The following TENM2 variants were observed in gnomAD, a reference collection of about 807,000 sequenced individuals.
TENM2 encodes the protein teneurin transmembrane protein 2.
Under a neutral mutation model 245.2 loss-of-function variants are expected in TENM2, and 52 were observed. The ratio of observed to expected loss-of-function variants is 0.21; its 90% confidence interval spans 0.17 to 0.27. The LOEUF is 0.27. Ranked by LOEUF, TENM2 falls within the 10% of genes least tolerant of loss-of-function variation. The pLI, the probability that TENM2 is intolerant of heterozygous loss-of-function variation, is 1.00. For missense variants in TENM2, 3,046 were observed against 3,666.8 expected (o/e 0.83, Z 4.37); for synonymous variants, 1,363 against 1,438.9 (o/e 0.95, Z 1.19).
intron 2 of TENM2, among the ~76,000 whole-genome samples, chr5:167,616,818 T>G (rs572173278): frequency 6.6e-6 from 1 of 152,254 alleles, no homozygotes; most frequent in East Asian, 1.9e-4. Context: ...GCAATAATTT[T>G]TCCAGTTACA....
chr5:167,658,731 C>T (rs2150314671), intron 2 of TENM2, among the ~76,000 whole-genome samples: 1 of 152,218 alleles, frequency 6.6e-6, no homozygotes, highest in East Asian at 1.9e-4. Flanking sequence ...TAGGATAGCA[C>T]ATGGGGTAAT....
At chr5:167,222,248 ATAT>A in the TENM2 span, among the ~76,000 whole-genome samples, 1 of 152,034 alleles carries the variant, frequency 6.6e-6, no homozygotes, top group East Asian at 1.9e-4. Flanking sequence ...CTGCCTTCAC[ATAT>A]GCAATGGAGG....
chr5:167,705,342 T>C (rs1287888465), intron 2 of TENM2, among the ~76,000 whole-genome samples: 1 of 152,166 alleles, frequency 6.6e-6, no homozygotes, highest in African/African-American at 2.4e-5. Flanking sequence ...ATCAAGATCT[T>C]GACTTCTTAT....
rs117495483 is a variant in TENM2 at position 168,146,400 on chromosome 5, G to A, written c.2423-16211G>A. On this transcript the variant is annotated intron_variant, in intron 12 of 28. Coordinates refer to ENST00000518659, the Ensembl canonical transcript of TENM2. Reference sequence around the variant, plus strand: ...GATGATAGATTGATCCATTTCTAGAGCCTCAACAGAAGTGGCCTCAAGCAT... The same window carrying A: ...GATGATAGATTGATCCATTTCTAGAACCTCAACAGAAGTGGCCTCAAGCAT... Among the ~76,000 whole-genome samples, 285 of 152,212 alleles carry A rather than the reference G, an allele frequency of 1.9e-3. 8 individuals carry two copies. In the East Asian group the frequency reaches 0.05, roughly 27 times the overall value.
chr5:167,250,140 A>G, the TENM2 span, among the ~76,000 whole-genome samples: 2 of 152,126 alleles, frequency 1.3e-5, no homozygotes, highest in South Asian at 2.1e-4. Context: ...CAGATTCACA[A>G]CAGGTTTTGA....
intron 5 of TENM2, among the ~76,000 whole-genome samples, chr5:168,020,714 G>A (rs1371082635): frequency 6.6e-6 from 1 of 152,196 alleles, no homozygotes. Context: ...AACCTCCAAA[G>A]TTGCTAAGAT....
intron 2 of TENM2, among the ~76,000 whole-genome samples, chr5:167,523,020 C>T (rs1360034872): frequency 6.6e-6 from 1 of 152,120 alleles, no homozygotes; most frequent in East Asian, 1.9e-4. Context: ...AGGCTGTTGT[C>T]ATTCCTTGGC....
the TENM2 span, among the ~76,000 whole-genome samples, chr5:167,019,739 G>T: frequency 6.6e-6 from 1 of 152,038 alleles, no homozygotes; most frequent in Admixed American, 6.6e-5. Context: ...CAAAATGCTG[G>T]AATTACAGAC....
intron 12 of TENM2, among the ~76,000 whole-genome samples, chr5:168,159,376 C>G (rs866886497): frequency 6.6e-6 from 1 of 152,136 alleles, no homozygotes; most frequent in Non-Finnish European, 1.5e-5. Context: ...AGCCTGAAAT[C>G]CAGAAGACTT....
At chr5:167,765,120 G>C (rs962656185) in intron 2 of TENM2, among the ~76,000 whole-genome samples, 1 of 152,096 alleles carries the variant, frequency 6.6e-6, no homozygotes, top group African/African-American at 2.4e-5. Flanking sequence ...GAGACCTACA[G>C]GTCTGGGTGT....
intron 2 of TENM2, among the ~76,000 whole-genome samples, chr5:167,844,033 T>C (rs184335637): frequency 6.6e-6 from 1 of 152,372 alleles, no homozygotes; most frequent in African/African-American, 2.4e-5. Flanking sequence ...AGTGAAGATA[T>C]ACATTGAAAG....
intron 3 of TENM2, among the ~76,000 whole-genome samples, chr5:167,905,555 A>G (rs979061602): frequency 7.9e-5 from 12 of 152,212 alleles, no homozygotes; most frequent in African/African-American, 2.9e-4. Context: ...AGAAATCCCT[A>G]TGAGACCTTT....
intron 2 of TENM2, among the ~76,000 whole-genome samples, chr5:167,522,247 G>C (rs992593606): frequency 1.3e-5 from 2 of 152,298 alleles, no homozygotes; most frequent in Non-Finnish European, 1.5e-5. Context: ...TGGAGATGGA[G>C]TTACAGCATT....
intron 1 of TENM2, among the ~76,000 whole-genome samples, chr5:167,317,584 A>C (rs908708843): frequency 3.3e-5 from 5 of 152,132 alleles, no homozygotes; most frequent in Non-Finnish European, 7.3e-5. Context: ...CTGTAACTCC[A>C]CTGTCAAGAG....
chr5:167,214,427 C>T, the TENM2 span, among the ~76,000 whole-genome samples: 1 of 152,152 alleles, frequency 6.6e-6, no homozygotes, highest in African/African-American at 2.4e-5. Flanking sequence ...CTTTTGCGAG[C>T]TAATGAAAAT....
intron 9 of TENM2, among the ~76,000 whole-genome samples, chr5:168,103,944 A>G (rs571860394): frequency 1.3e-5 from 2 of 152,302 alleles, no homozygotes; most frequent in South Asian, 4.1e-4. Flanking sequence ...CCTGCTCCCC[A>G]GAACAGGGCA....
intron 2 of TENM2, among the ~76,000 whole-genome samples, chr5:167,729,878 C>T (rs748375966): frequency 1.3e-5 from 2 of 152,192 alleles, no homozygotes; most frequent in East Asian, 1.9e-4. Flanking sequence ...ACCGTGAGCA[C>T]TTGTTGAAAT....
chr5:168,063,077 C>T lies in TENM2; in HGVS notation c.1515+812C>T, dbSNP rs185239031. Among the ~76,000 whole-genome samples the T allele has an allele frequency of 7.2e-5, 11 of 152,292 alleles. No homozygotes were observed. The East Asian group carries it at 1.9e-3, about 27-fold the overall frequency. On this transcript the variant is annotated intron_variant, in intron 7 of 28. Coordinates refer to ENST00000518659, the Ensembl canonical transcript of TENM2. Reference sequence around the variant, plus strand: ...TCCCAACCTGATGAAAACAGCTTTACTAGGTTTAGGGGTTAATCACTGGGT... The same window carrying T: ...TCCCAACCTGATGAAAACAGCTTTATTAGGTTTAGGGGTTAATCACTGGGT...
chr5:167,609,515 A>AAAAAAG (rs1582533515), intron 2 of TENM2, among the ~76,000 whole-genome samples: 1 of 87,764 alleles, frequency 1.1e-5, no homozygotes. Context: ...AAAAAAAACA[A>AAAAAAG]AACCTTACCT....
Sources: allele counts gnomAD v4.1 joint callset (sites outside exome capture counted in the v4.1 genomes callset), GRCh38; gene constraint gnomAD v4.1.1; transcripts MANE v1.5; gene names NCBI Gene and HGNC (gene_info 2026-07-23, HGNC 2026-07-21).